The following CEP295 variants were observed in gnomAD, a reference collection of about 807,000 sequenced individuals.
CEP295 encodes the protein centrosomal protein 295.
In CEP295, 190 loss-of-function variants were observed where a neutral mutation model predicts 291.6. The ratio of observed to expected loss-of-function variants is 0.65; its 90% CI spans 0.58 to 0.73. CEP295 has a LOEUF of 0.73. Ranked by LOEUF, CEP295 falls within the 30% of genes least tolerant of loss-of-function variation. The pLI, the probability that CEP295 is intolerant of heterozygous loss-of-function variation, is 0.00. For missense variants in CEP295, 2,863 were observed against 2,949.4 expected, an observed-to-expected ratio of 0.97 and a Z score of 0.68; for synonymous variants, 993 against 1,038.8, an observed-to-expected ratio of 0.96 and a Z score of 0.85.
chr11:93,698,793 A>G lies in CEP295; in HGVS notation c.3881A>G (p.Gln1294Arg). 1 of 1,551,724 alleles carries G rather than the reference A, an allele frequency of 6.4e-7. No individual in the cohort carries two copies. Among genetic ancestry groups the G allele is most frequent in the Non-Finnish European group, 8.7e-7 (1 of 1,146,980 alleles). The part of the protein sequence containing the change: ...EQTGSSSFIP[Q>R]LVQLSFTSLA... ...ACTGGTTCATCTTCATTCATACCCC[A>G]GTTGGTACAGCTTTCATTTACTTCG... Residue 1294 changes from glutamine (Q) to arginine (R), a missense_variant, in exon 15 of 30, where the codon CAG (glutamine) becomes CGG (arginine). Transcript: ENST00000325212.
intron 2 of CEP295, 73 bp from the exon 3 acceptor site, chr11:93,667,534 C>G: frequency 9.1e-7 from 1 of 1,094,660 alleles, no homozygotes; most frequent in South Asian, 1.7e-5. Flanking sequence ...TTGAGTTCCT[C>G]TTTCCAAATA....
chr11:93,725,480 T>G (rs1009567813), intron 22 of CEP295, among the ~76,000 whole-genome samples, 171 bp from the exon 23 acceptor site: 1 of 152,250 alleles, frequency 6.6e-6, no homozygotes, highest in African/African-American at 2.4e-5. Context: ...GCCTGACATT[T>G]TAAAGTCTCT....
chr11:93,677,984 A>T (rs1331960726), intron 6 of CEP295, among the ~76,000 whole-genome samples: 1 of 152,184 alleles, frequency 6.6e-6, no homozygotes, highest in Non-Finnish European at 1.5e-5. Flanking sequence ...GTTTTGAAGT[A>T]TGATCAATAA....
intron 9 of CEP295, among the ~76,000 whole-genome samples, chr11:93,685,962 G>A (rs1951214596): frequency 6.6e-6 from 1 of 151,734 alleles, no homozygotes; most frequent in Non-Finnish European, 1.5e-5. Context: ...GCCCACCTCT[G>A]CCTCCCAAAG....
intron 25 of CEP295, chr11:93,729,028 C>T (rs911642137): frequency 1.9e-6 from 1 of 533,184 alleles, no homozygotes; most frequent in Non-Finnish European, 3.3e-6. Flanking sequence ...CCAATTTATG[C>T]CTGTCTCCAA....
intron 3 of CEP295, 136 bp downstream of exon 3, chr11:93,667,943 TTAATG>T: frequency 1.6e-6 from 1 of 628,408 alleles, no homozygotes; most frequent in South Asian, 2.2e-5. Flanking sequence ...TTTTATAAAT[TTAATG>T]TAATTTGTGA....
In CEP295 at chr11:93,689,837, G is replaced by C. The variant is rs138142434; in HGVS notation, c.1337-1846G>C. 4.4e-3 allele frequency among the ~76,000 whole-genome samples: 672 copies of C among 152,266 alleles called. 6 individuals carry two copies. Among genetic ancestry groups the C allele is most frequent in the African/African-American group, 0.015 (641 of 41,546 alleles). On this transcript the variant is annotated intron_variant, in intron 10 of 29. Transcript: ENST00000325212. ...CAAAACAGGTGCTCAGTTAACATTC[G>C]TTGAATTAATTGAATAATTTAAAGC...
chr11:93,700,043 C>G lies in CEP295; in HGVS notation c.5131C>G (p.Gln1711Glu). 6.4e-7 allele frequency: 1 copy of G among 1,551,820 alleles called. No individual in the cohort carries two copies. Among genetic ancestry groups the G allele is most frequent in the Non-Finnish European group, 8.7e-7 (1 of 1,147,020 alleles). The change falls in exon 15 of 30, where the codon CAG (glutamine) becomes GAG (glutamate). Residue 1711 changes from glutamine to glutamate, a missense_variant. Around this residue, in one of 3 missense-constraint regions of CEP295, gnomAD observed 2,295 missense variants for 2,335.7 expected, o/e 0.98. Coordinates refer to ENST00000325212, the MANE Select transcript of CEP295 (RefSeq NM_033395.2). ...AACTCAGCAAGATAACTTGGGACTTCAGAAACAGTTGGATCTACAAAGAGA... is the reference window on the plus strand; with the variant it reads ...AACTCAGCAAGATAACTTGGGACTTGAGAAACAGTTGGATCTACAAAGAGA... ...VLTQQDNLGL[Q>E]KQLDLQREVL...
chr11:93,702,644 T>C lies in CEP295; in HGVS notation c.5452+7T>C. 1 of 1,539,368 alleles carries C rather than the reference T, an allele frequency of 6.5e-7. No individual in the cohort carries two copies. Among genetic ancestry groups the C allele is most frequent in the Non-Finnish European group, 8.8e-7 (1 of 1,141,230 alleles). On this transcript the variant is annotated splice_region_variant and intron_variant, in intron 16 of 29. Transcript: ENST00000325212. ...ACTAGTGCCAAGCAAAGTGGTAAGA[T>C]AATTGTGTTTGATTGTAATTATTTC... is the stretch of plus-strand genomic sequence containing the variant.
In CEP295 at chr11:93,699,290, G is replaced by A. The variant is rs778733374; in HGVS notation, c.4378G>A (p.Glu1460Lys). Residue 1460 changes from glutamate to lysine, a missense_variant, in exon 15 of 30, where the codon GAA becomes AAA. Physicochemically the swap from Glu to Lys is moderately conservative, Grantham distance 56. Transcript: ENST00000325212. ...LPQQDNLIAL[E>K]EHLHAQTDFL... ...TCAACAAGATAATTTGATTGCACTT[G>A]AAGAACACTTGCATGCACAGACAGA... The A allele has an allele frequency of 3.2e-6, 5 of 1,551,844 alleles. No homozygotes were observed. In the Admixed American group the frequency reaches 7.8e-5, roughly 24 times the overall value.
chr11:93,699,309 A>G lies in CEP295; in HGVS notation c.4397A>G (p.Gln1466Arg). Residue 1466 changes from glutamine to arginine, a missense_variant, in exon 15 of 30, where the codon CAG becomes CGG. Transcript: ENST00000325212. Reference sequence around the variant, plus strand: ...GCACTTGAAGAACACTTGCATGCACAGACAGATTTCCTTCCTTCTATTGAG... The same window carrying G: ...GCACTTGAAGAACACTTGCATGCACGGACAGATTTCCTTCCTTCTATTGAG... ...LIALEEHLHA[Q>R]TDFLPSIEKT... The G allele has an allele frequency of 6.4e-7, 1 of 1,552,074 alleles. No individual in the cohort carries two copies.
chr11:93,699,731 T>G lies in CEP295; in HGVS notation c.4819T>G (p.Leu1607Val), dbSNP rs780568001. ...LPQQDNMTAQ[L>V]DAQREVMYSY... ...TCAGCAAGATAATATGACAGCACAA[T>G]TGGATGCACAAAGGGAAGTGATGTA... is the stretch of plus-strand genomic sequence containing the variant. Residue 1607 changes from leucine to valine, a missense_variant, in exon 15 of 30, where the codon TTG becomes GTG. Physicochemically the swap from Leu to Val is conservative, Grantham distance 32. Transcript: ENST00000325212. The G allele has an allele frequency of 4.8e-5, 74 of 1,551,820 alleles. 1 individual carries two copies. The Middle Eastern group carries it at 1.0e-3, about 21-fold the overall frequency.
intron 25 of CEP295, chr11:93,729,164 G>A: frequency 1.9e-6 from 1 of 515,654 alleles, no homozygotes; most frequent in Non-Finnish European, 3.4e-6. Flanking sequence ...GGAGTAGGGA[G>A]GCAATAAGAA....
chr11:93,725,246 CAAA>C (rs143213241), intron 22 of CEP295, among the ~76,000 whole-genome samples: 1 of 127,306 alleles, frequency 7.9e-6, no homozygotes, highest in Non-Finnish European at 1.7e-5. Flanking sequence ...GACCCCATCT[CAAA>C]AAAAAAAAAA....
At chr11:93,703,960 G>A (rs1222826736) in intron 17 of CEP295, among the ~76,000 whole-genome samples, 8 of 151,728 alleles carry the variant, frequency 5.3e-5, no homozygotes, top group East Asian at 1.9e-4. Flanking sequence ...TAGTAGAGAC[G>A]GGATTTCACC....
chr11:93,691,610 A>G, intron 10 of CEP295, 73 bp from the exon 11 acceptor site: 1 of 980,288 alleles, frequency 1.0e-6, no homozygotes, highest in Non-Finnish European at 1.6e-6. Flanking sequence ...TGTTAATACC[A>G]GAATTTTGTT....
At chr11:93,716,834 T>C (rs1591129684) in intron 18 of CEP295, among the ~76,000 whole-genome samples, 1 of 152,250 alleles carries the variant, frequency 6.6e-6, no homozygotes, top group African/African-American at 2.4e-5. Context: ...GTTTATCTCG[T>C]AACCTTCACT....
Position 93,697,374 on chromosome 11 carries a change from C to T in CEP295, c.2462C>T (p.Thr821Ile), listed in dbSNP as rs76859732. Residue 821 changes from threonine (T) to isoleucine (I), a missense_variant, in exon 15 of 30, where the codon ACA becomes ATA. By Grantham distance (89) the Thr-to-Ile change is moderately conservative. Coordinates refer to ENST00000325212, the MANE Select transcript of CEP295 (RefSeq NM_033395.2). ...GCCATGAGCAAAAGTACAGTTTCCACAAGCCATTCTATAATCAGCCAAATG... is the reference window on the plus strand; with the variant it reads ...GCCATGAGCAAAAGTACAGTTTCCATAAGCCATTCTATAATCAGCCAAATG... Reference protein sequence around the residue: ...FSAMSKSTVSTSHSIISQMHD... With the variant: ...FSAMSKSTVSISHSIISQMHD... The T allele has an allele frequency of 1.9e-6, 3 of 1,551,996 alleles. No individual in the cohort carries two copies. In the South Asian group the frequency reaches 3.6e-5, roughly 18 times the overall value.
chr11:93,694,038 C>T (rs975771220), intron 12 of CEP295, among the ~76,000 whole-genome samples: 1 of 152,140 alleles, frequency 6.6e-6, no homozygotes, highest in Non-Finnish European at 1.5e-5. Flanking sequence ...TTCAGGGGCT[C>T]CTATGAGTAA....
Sources: gnomAD v4.1 joint callset for allele counts (sites outside exome capture counted in the v4.1 genomes callset) on GRCh38, gnomAD v4.1.1 for gene constraint, gnomAD v4.1.1 regional missense constraint, MANE v1.5 for transcripts, NCBI Gene and HGNC (gene_info 2026-07-23, HGNC 2026-07-21) for gene names.